DYNC1H1: variants seen among roughly 807,000 people sequenced by gnomAD.
DYNC1H1 encodes dynein cytoplasmic 1 heavy chain 1, also known as cytoplasmic dynein 1 heavy chain 1.
In DYNC1H1, 51 loss-of-function variants were observed where a neutral mutation model predicts 527.1. That is an observed-to-expected ratio of 0.10 (90% CI 0.08 to 0.12). DYNC1H1 has a LOEUF of 0.12. DYNC1H1 is among the 10% of genes least tolerant of loss of function. The pLI, the probability that DYNC1H1 is intolerant of heterozygous loss-of-function variation, is 1.00. For missense variants in DYNC1H1, 2,771 were observed against 5,971.8 expected, an observed-to-expected ratio of 0.46 and a Z score of 17.66; for synonymous variants, 2,189 against 2,278.8, an observed-to-expected ratio of 0.96 and a Z score of 1.12.
chr14:102,040,117 T>G, intron 62 of DYNC1H1, 119 bp from the exon 63 acceptor site: 3 of 1,379,116 alleles, frequency 2.2e-6, no homozygotes, highest in Non-Finnish European at 3.1e-6. Flanking sequence ...AGTGCTGAGA[T>G]TATAGGCCTG....
In DYNC1H1 at chr14:102,039,029, G is replaced by A. The variant is rs1455171251; in HGVS notation, c.11235G>A (p.Leu3745=). 2 of 1,614,160 alleles carry A rather than the reference G, an allele frequency of 1.2e-6. No homozygotes were observed. The highest frequency in any genetic ancestry group is 1.7e-6 in the Non-Finnish European group (2 of 1,180,032). ...QGEFQLRLRQ[L]EKSLLQALNE... The stretch of plus-strand genomic sequence containing the variant: ...AATTTCAGCTCCGTTTGCGTCAGCT[G>A]GAAAAATCTCTACTACAAGCTCTGA... Residue 3745 remains leucine (L), a synonymous_variant, in exon 60 of 78, where the codon CTG becomes CTA. Coordinates refer to ENST00000360184, the MANE Select transcript of DYNC1H1 (RefSeq NM_001376.5). This position sits in a 1 kb window ranked among gnomAD's most constrained non-coding sequence, Gnocchi z 7.0.
intron 73 of DYNC1H1, 81 bp downstream of exon 73, chr14:102,048,109 A>G (rs2048752343): frequency 6.6e-7 from 1 of 1,508,986 alleles, no homozygotes. Context: ...TCCATGGACC[A>G]TTGGTTCCAC....
chr14:102,042,043 T>C lies in DYNC1H1; in HGVS notation c.12133T>C (p.Ser4045Pro). The C allele has an allele frequency of 6.2e-7, 1 of 1,614,110 alleles. No individual in the cohort carries two copies. Among genetic ancestry groups the C allele is most frequent in the Non-Finnish European group, 8.5e-7 (1 of 1,180,020 alleles). The change falls in exon 66 of 78, where the codon TCT becomes CCT. Residue 4045 changes from serine to proline, a missense_variant. By Grantham distance (74) the Ser-to-Pro change is moderately conservative. This residue lies in a region of DYNC1H1 where 195 missense variants were observed against 428.6 expected (regional missense o/e 0.45). Coordinates refer to ENST00000360184, the MANE Select transcript of DYNC1H1 (RefSeq NM_001376.5). The surrounding 1 kb of genome is among the most constrained non-coding windows in gnomAD (Gnocchi z 5.7). ...GCCCAACACTCCTGTCTTAATGTGCTCTGTGCCTGGTTATGATGCCAGTGG... is the reference window on the plus strand; with the variant it reads ...GCCCAACACTCCTGTCTTAATGTGCCCTGTGCCTGGTTATGATGCCAGTGG... Reference protein sequence around the residue: ...VKPNTPVLMCSVPGYDASGHV... With the variant: ...VKPNTPVLMCPVPGYDASGHV...
Position 102,012,562 on chromosome 14 carries a change from C to G in DYNC1H1, c.7014+92C>G. The G allele has an allele frequency of 6.6e-7, 1 of 1,515,268 alleles. No homozygotes were observed. Among genetic ancestry groups the G allele is most frequent in the Non-Finnish European group, 9.2e-7 (1 of 1,092,608 alleles). The allele number at this position is 1,515,268 out of a possible 1,614,324, so 93.9% of individuals were successfully genotyped here. On this transcript the variant is annotated intron_variant, in intron 34 of 77. Coordinates refer to ENST00000360184, the MANE Select transcript of DYNC1H1 (RefSeq NM_001376.5). This position sits in a 1 kb window ranked among gnomAD's most constrained non-coding sequence, Gnocchi z 4.9. ...CTAAGTGCAGCTCTGGAGTCATGGA[C>G]CCAGATTCCATGGAGTAGTGATCAT... is the stretch of plus-strand genomic sequence containing the variant.
rs779202254 is a variant in DYNC1H1, at chr14:102,048,045, C to A, written c.13218+17C>A. The A allele has an allele frequency of 1.2e-5, 20 of 1,601,938 alleles. No individual in the cohort carries two copies. The highest frequency in any genetic ancestry group is 1.9e-4 in the Middle Eastern group (1 of 5,164). On this transcript the variant is annotated intron_variant, in intron 73 of 77. Transcript: ENST00000360184. The stretch of plus-strand genomic sequence containing the variant: ...AATATCAAGGTAGCTGGGAGGGTGG[C>A]GGGCCGGCCAGGTCTCAAGGTCCCA...
In DYNC1H1 at chr14:102,002,532, A is replaced by C. The variant is rs903101532; in HGVS notation, c.4543-5A>C. Reference sequence around the variant, plus strand: ...GTTTACCTCTCCCTCCTGTCTGCCCACCAGGTTTTTGAAGAGGATGCTCTC... The same window carrying C: ...GTTTACCTCTCCCTCCTGTCTGCCCCCCAGGTTTTTGAAGAGGATGCTCTC... On this transcript the variant is annotated splice_region_variant and splice_polypyrimidine_tract_variant and intron_variant, in intron 21 of 77. Coordinates refer to ENST00000360184, the MANE Select transcript of DYNC1H1 (RefSeq NM_001376.5). The surrounding 1 kb of genome is among the most constrained non-coding windows in gnomAD (Gnocchi z 4.4). 8 of 1,613,936 alleles carry C rather than the reference A, an allele frequency of 5.0e-6. No homozygotes were observed. Among genetic ancestry groups the C allele is most frequent in the Middle Eastern group, 1.6e-4 (1 of 6,070 alleles).
intron 73 of DYNC1H1, 58 bp from the exon 74 acceptor site, chr14:102,048,458 T>C: frequency 6.2e-7 from 1 of 1,611,542 alleles, no homozygotes; most frequent in African/African-American, 1.3e-5. Context: ...CTGTTTGACC[T>C]TTACACTGGA....
rs910215041 is a variant in DYNC1H1 at position 101,965,006 on chromosome 14, C to A, written c.256+59C>A. 13 of 1,519,304 alleles carry A rather than the reference C, an allele frequency of 8.6e-6. No homozygotes were observed. In the Admixed American group the frequency reaches 2.4e-4, roughly 28 times the overall value. The allele number at this position is 1,519,304 out of a possible 1,614,324, so 94.1% of individuals were successfully genotyped here. ...CAGGCCTCGCGGAATGCAGGGCCTG[C>A]CAGGTCCTCCGGGGTCGCAGATGTC... On this transcript the variant is annotated intron_variant, in intron 1 of 77. Transcript: ENST00000360184. The surrounding 1 kb of genome is among the most constrained non-coding windows in gnomAD (Gnocchi z 4.1).
In DYNC1H1 at chr14:101,977,713, G is replaced by A. The variant is rs17540659; in HGVS notation, c.345-1606G>A. Among the ~76,000 whole-genome samples, 839 of 152,242 alleles carry A rather than the reference G, an allele frequency of 5.5e-3. 17 individuals carry two copies. Among genetic ancestry groups the A allele is most frequent in the East Asian group, 0.037 (190 of 5,180 alleles). On this transcript the variant is annotated intron_variant, in intron 2 of 77. Transcript: ENST00000360184. ...GTACTTCAGCCTTTGTGTACCTTTTGTGACACTGACTTGTTTGACATTTGC... is the reference window on the plus strand; with the variant it reads ...GTACTTCAGCCTTTGTGTACCTTTTATGACACTGACTTGTTTGACATTTGC...
At chr14:101,970,522 A>C (rs2047724365) in intron 1 of DYNC1H1, among the ~76,000 whole-genome samples, 1 of 104,268 alleles carries the variant, frequency 9.6e-6, no homozygotes, top group Admixed American at 1.4e-4. Context: ...TTGCTCTGTC[A>C]CCCAGGCTGG....
Position 102,008,250 on chromosome 14 carries a change from G to A in DYNC1H1, c.5890G>A (p.Glu1964Lys). The A allele has an allele frequency of 6.2e-7, 1 of 1,614,222 alleles. No homozygotes were observed. Among genetic ancestry groups the A allele is most frequent in the Admixed American group, 1.7e-5 (1 of 60,030 alleles). The change falls in exon 29 of 78, where the codon GAG becomes AAG. Residue 1964 changes from glutamate (E) to lysine (K), a missense_variant. Coordinates refer to ENST00000360184, the MANE Select transcript of DYNC1H1 (RefSeq NM_001376.5). ...CTGCTTTGACGAGTTCAACCGCCTG[G>A]AGGAGCGGATGCTCTCGGCTGTGTC... ...WGCFDEFNRLEERMLSAVSQQ... is the reference protein window; with the variant it reads ...WGCFDEFNRLKERMLSAVSQQ...
At position 102,005,007 on chromosome 14, in the gene DYNC1H1, A is replaced by G. The variant is rs772769214; in HGVS notation, c.5239-35A>G. 3 of 1,614,118 alleles carry G rather than the reference A, an allele frequency of 1.9e-6. No homozygotes were observed. Among genetic ancestry groups the G allele is most frequent in the Admixed American group, 1.7e-5 (1 of 60,006 alleles). On this transcript the variant is annotated intron_variant, in intron 25 of 77. Transcript: ENST00000360184. The surrounding 1 kb of genome is among the most constrained non-coding windows in gnomAD (Gnocchi z 4.0). ...GTGAAAACGCAGACCAATCTTTAAA[A>G]TGATCCTTTGGGATCTTGTTTCTGT...
chr14:102,007,341 A>G (rs1243184656), intron 28 of DYNC1H1, among the ~76,000 whole-genome samples: 1 of 152,152 alleles, frequency 6.6e-6, no homozygotes, highest in Non-Finnish European at 1.5e-5. Flanking sequence ...TCTTTAGTGT[A>G]ATATTTTTCT....
Position 102,032,968 on chromosome 14 carries a change from A to T in DYNC1H1, c.10080-97A>T, listed in dbSNP as rs1216591362. 3.1e-6 allele frequency: 4 copies of T among 1,273,078 alleles called. No individual in the cohort carries two copies. In the African/African-American group the frequency reaches 5.9e-5, roughly 19 times the overall value. 78.9% of individuals were successfully genotyped at this position (1,273,078 alleles called of 1,614,324 possible). A position where few individuals can be genotyped will look rare whatever the true frequency, so the allele number is the denominator to read the frequency against. On this transcript the variant is annotated intron_variant, in intron 52 of 77. Coordinates refer to ENST00000360184, the MANE Select transcript of DYNC1H1 (RefSeq NM_001376.5). ...AGTGGTCAGTCACTGGGGCAATGAGATGGGAGCTGGCTCTGGTCTCTTCCA... is the reference window on the plus strand; with the variant it reads ...AGTGGTCAGTCACTGGGGCAATGAGTTGGGAGCTGGCTCTGGTCTCTTCCA...
Position 101,986,874 on chromosome 14 carries a change from A to G in DYNC1H1, c.2538+111A>G. 3.1e-6 allele frequency: 4 copies of G among 1,290,454 alleles called. No homozygotes were observed. The highest frequency in any genetic ancestry group is 4.5e-6 in the Non-Finnish European group (4 of 893,186). 79.9% of individuals were successfully genotyped at this position (1,290,454 alleles called of 1,614,324 possible). ...AGAAGGCATGCATGGTTGATGCAGC[A>G]TACGGCCATGTGAGCTGCAAGGGAG... On this transcript the variant is annotated intron_variant, in intron 8 of 77. Transcript: ENST00000360184. The surrounding 1 kb of genome is among the most constrained non-coding windows in gnomAD (Gnocchi z 8.7).
At position 102,055,300 on chromosome 14, in the gene DYNC1H1, G is replaced by C. The variant is rs955588184; in HGVS notation, c.*4737G>C. 1 of 152,160 alleles carries C rather than the reference G, an allele frequency of 6.6e-6. No individual in the cohort carries two copies. The highest frequency in any genetic ancestry group is 2.4e-5 in the African/African-American group (1 of 41,368). 9.4% of individuals were successfully genotyped at this position (152,160 alleles called of 1,614,324 possible). ...CATCAGCGCCCCACCCAACAGAGCC[G>C]ACCAGGCTGGGAACACCGAGACCGA... On this transcript the variant is annotated 3_prime_UTR_variant, in exon 78 of 78. Transcript: ENST00000360184.
intron 13 of DYNC1H1, 48 bp downstream of exon 13, chr14:101,994,897 AAC>A: frequency 2.5e-6 from 4 of 1,614,060 alleles, no homozygotes; most frequent in African/African-American, 2.7e-5. Context: ...GTGTAAAAGC[AAC>A]ATTTCTGTTA....
chr14:101,986,678 A>G lies in DYNC1H1; in HGVS notation c.2453A>G (p.Glu818Gly). 1 of 1,614,136 alleles carries G rather than the reference A, an allele frequency of 6.2e-7. No homozygotes were observed. The highest frequency in any genetic ancestry group is 8.5e-7 in the Non-Finnish European group (1 of 1,179,980). The change falls in exon 8 of 78, where the codon GAA becomes GGA. Residue 818 changes from glutamate to glycine, a missense_variant. This residue lies in a region of DYNC1H1 where 179 missense variants were observed against 349.4 expected (regional missense o/e 0.51). Coordinates refer to ENST00000360184, the MANE Select transcript of DYNC1H1 (RefSeq NM_001376.5). This position sits in a 1 kb window ranked among gnomAD's most constrained non-coding sequence, Gnocchi z 8.7. ...LKKEVQALIA[E>G]GIALVWESYK... is the part of the protein sequence containing the mutation. Reference sequence around the variant, plus strand: ...AAGGAAGTGCAGGCCCTGATCGCAGAAGGCATTGCGTTGGTGTGGGAGTCC... The same window carrying G: ...AAGGAAGTGCAGGCCCTGATCGCAGGAGGCATTGCGTTGGTGTGGGAGTCC...
At chr14:101,982,143 G>A (rs753340058) in intron 5 of DYNC1H1, among the ~76,000 whole-genome samples, 3 of 152,118 alleles carry the variant, frequency 2.0e-5, no homozygotes, top group African/African-American at 4.8e-5. Flanking sequence ...AACTGCGCAC[G>A]CGAGGGATGT....
Sources: allele counts gnomAD v4.1 joint callset (sites outside exome capture counted in the v4.1 genomes callset), GRCh38; gene constraint gnomAD v4.1.1; regional missense constraint gnomAD v4.1.1; non-coding constraint Gnocchi (gnomAD v3.1); transcripts MANE v1.5; gene names NCBI Gene and HGNC (gene_info 2026-07-23, HGNC 2026-07-21).